Variants in RNF220 observed in about 807,000 individuals in gnomAD.
The protein encoded by RNF220 is ring finger protein 220, also known as E3 ubiquitin-protein ligase RNF220.
In RNF220, 7 loss-of-function variants were observed where a neutral mutation model predicts 67.1. The ratio of observed to expected loss-of-function variants is 0.10; its 90% CI spans 0.06 to 0.20. The LOEUF (loss-of-function observed/expected upper bound fraction) is 0.20, where lower values mean the gene tolerates loss of function less well. Among genes scored for constraint, RNF220 ranks in the 10% least tolerant of loss-of-function variants. The probability of loss-of-function intolerance (pLI) is 1.00; values close to 1 mark genes in which losing one functional copy is unlikely to be tolerated. For synonymous variants in RNF220, 270 were observed against 283.2 expected, an observed-to-expected ratio of 0.95 and a Z score of 0.47; for missense variants, 565 against 740.3, an observed-to-expected ratio of 0.76 and a Z score of 2.75.
chr1:44,650,664 C>T lies in RNF220; in HGVS notation c.1630-40C>T, dbSNP rs889275665. ...CAGGTGCTCACATGCGCACACATGG[C>T]TCATTGTGTAGACCAGAGCCCTCCC... On this transcript the variant is annotated intron_variant, in intron 14 of 14. Transcript: ENST00000361799. This position sits in a 1 kb window ranked among gnomAD's most constrained non-coding sequence, Gnocchi z 4.3. The T allele has an allele frequency of 1.3e-6, 2 of 1,592,782 alleles. No homozygotes were observed. The highest frequency in any genetic ancestry group is 1.7e-5 in the Admixed American group (1 of 59,972).
At chr1:44,608,420 G>C (rs1036503122) in intron 2 of RNF220, among the ~76,000 whole-genome samples, 2 of 152,142 alleles carry the variant, frequency 1.3e-5, no homozygotes, top group African/African-American at 4.8e-5. Flanking sequence ...AGGTGAGTGG[G>C]TAGGTAGGTA....
chr1:44,555,647 T>C (rs1485692980), intron 2 of RNF220, among the ~76,000 whole-genome samples: 1 of 150,022 alleles, frequency 6.7e-6, no homozygotes, highest in African/African-American at 2.5e-5. Flanking sequence ...GCTAATTTTT[T>C]CTATTTTTTA....
intron 2 of RNF220, among the ~76,000 whole-genome samples, chr1:44,469,978 A>T (rs971037201): frequency 1.3e-5 from 2 of 151,906 alleles, no homozygotes; most frequent in African/African-American, 4.8e-5. Flanking sequence ...TTTGAATGGG[A>T]TGAAGGCGTA....
chr1:44,647,633 C>G (rs907036785), intron 12 of RNF220, among the ~76,000 whole-genome samples: 2 of 152,156 alleles, frequency 1.3e-5, no homozygotes, highest in Non-Finnish European at 2.9e-5. Context: ...GAGTCACGCT[C>G]TGTGTTGCTG....
Position 44,539,764 on chromosome 1 carries a change from C to G in RNF220, c.626-74401C>G, listed in dbSNP as rs149131884. Among the ~76,000 whole-genome samples, 292 of 152,340 alleles carry G rather than the reference C, an allele frequency of 1.9e-3. 2 individuals carry two copies. Among genetic ancestry groups the G allele is most frequent in the African/African-American group, 6.7e-3 (279 of 41,574 alleles). On this transcript the variant is annotated intron_variant, in intron 2 of 14. Transcript: ENST00000361799. ...TCATCTGTATTAATCCAACACTGTT[C>G]CAGAATTTTCTGATTCCCATCCTAC...
chr1:44,548,737 C>T (rs188652835), intron 2 of RNF220, among the ~76,000 whole-genome samples: 4 of 152,274 alleles, frequency 2.6e-5, no homozygotes, highest in Admixed American at 2.0e-4. Flanking sequence ...GGCAATCCTC[C>T]TACTTCAGCC....
intron 2 of RNF220, among the ~76,000 whole-genome samples, chr1:44,458,887 A>G (rs1191863221): frequency 6.6e-6 from 1 of 152,224 alleles, no homozygotes; most frequent in African/African-American, 2.4e-5. Context: ...AACATATTAC[A>G]GCTGGAATGG....
intron 2 of RNF220, among the ~76,000 whole-genome samples, chr1:44,542,139 A>G (rs1661720634): frequency 6.6e-6 from 1 of 152,210 alleles, no homozygotes; most frequent in Non-Finnish European, 1.5e-5. Context: ...TGGGCCAAGA[A>G]CAGAGGGGGT....
intron 2 of RNF220, among the ~76,000 whole-genome samples, chr1:44,541,309 T>C (rs12121828): frequency 2.0e-5 from 3 of 152,068 alleles, no homozygotes; most frequent in African/African-American, 7.3e-5. Flanking sequence ...ACACCTGTAG[T>C]CCCAGCTACT....
At chr1:44,609,848 C>T (rs1195738993) in intron 2 of RNF220, among the ~76,000 whole-genome samples, 2 of 152,240 alleles carry the variant, frequency 1.3e-5, no homozygotes, top group Non-Finnish European at 2.9e-5. Context: ...AGCAGCTCAG[C>T]AAGGAAAAGG....
intron 2 of RNF220, among the ~76,000 whole-genome samples, chr1:44,471,349 C>A (rs1355382817): frequency 6.6e-6 from 1 of 152,144 alleles, no homozygotes; most frequent in East Asian, 1.9e-4. Context: ...TCGCTTGAAC[C>A]TGGGAGGCAG....
At chr1:44,514,049 G>A (rs904925453) in intron 2 of RNF220, among the ~76,000 whole-genome samples, 6 of 152,218 alleles carry the variant, frequency 3.9e-5, no homozygotes, top group Non-Finnish European at 8.8e-5. Flanking sequence ...ATATATAGTC[G>A]TGTAGCATCT....
At chr1:44,636,522 G>A in intron 8 of RNF220, 1 of 701,194 alleles carries the variant, frequency 1.4e-6, no homozygotes. Flanking sequence ...GCTGATAAAT[G>A]AGAATCCAGC....
intron 2 of RNF220, among the ~76,000 whole-genome samples, chr1:44,561,518 G>T (rs1172548931): frequency 4.6e-5 from 7 of 152,094 alleles, no homozygotes; most frequent in Non-Finnish European, 1.0e-4. Context: ...ACATATGTTT[G>T]CTAAGCATTC....
chr1:44,617,520 C>A lies in RNF220; in HGVS notation c.758+3223C>A, dbSNP rs371088353. On this transcript the variant is annotated intron_variant, in intron 3 of 14. Coordinates refer to ENST00000361799, the MANE Select transcript of RNF220 (RefSeq NM_018150.4). The stretch of plus-strand genomic sequence containing the variant: ...GGGTGCGTGATAAATTCCCAAGGAG[C>A]GTGTCAGCTCCCTCCGGGCTGACGG... Among the ~76,000 whole-genome samples the A allele has an allele frequency of 2.6e-5, 4 of 152,374 alleles. No individual in the cohort carries two copies. The East Asian group carries it at 5.8e-4, about 22-fold the overall frequency.
intron 2 of RNF220, among the ~76,000 whole-genome samples, chr1:44,440,029 G>C (rs1651390968): frequency 6.6e-6 from 1 of 152,222 alleles, no homozygotes; most frequent in South Asian, 2.1e-4. Flanking sequence ...GTAGAAGTTA[G>C]CTAGGTGAAG....
Position 44,600,323 on chromosome 1 carries a change from A to G in RNF220, c.626-13842A>G, listed in dbSNP as rs1666835862. Among the ~76,000 whole-genome samples, 1 of 152,206 alleles carries G rather than the reference A, an allele frequency of 6.6e-6. No individual in the cohort carries two copies. Among genetic ancestry groups the G allele is most frequent in the Admixed American group, 6.5e-5 (1 of 15,282 alleles). On this transcript the variant is annotated intron_variant, in intron 2 of 14. Coordinates refer to ENST00000361799, the MANE Select transcript of RNF220 (RefSeq NM_018150.4). The surrounding 1 kb of genome is among the most constrained non-coding windows in gnomAD (Gnocchi z 4.0). Reference sequence around the variant, plus strand: ...AGGGAATGAAACCAGAGTTTCAGAGATCACACATAGAGTGTGGAGAGAGGG... The same window carrying G: ...AGGGAATGAAACCAGAGTTTCAGAGGTCACACATAGAGTGTGGAGAGAGGG...
intron 2 of RNF220, among the ~76,000 whole-genome samples, chr1:44,492,608 T>C (rs1291515270): frequency 6.6e-6 from 1 of 152,246 alleles, no homozygotes; most frequent in Non-Finnish European, 1.5e-5. Context: ...TACTGTTACA[T>C]GCTATAACAT....
chr1:44,599,410 C>T (rs1372832707), intron 2 of RNF220, among the ~76,000 whole-genome samples: 1 of 152,176 alleles, frequency 6.6e-6, no homozygotes, highest in Admixed American at 6.5e-5. Context: ...CGGTGGCTCA[C>T]ATCTGTAATC....
Sources: allele counts gnomAD v4.1 joint callset (sites outside exome capture counted in the v4.1 genomes callset), GRCh38; gene constraint gnomAD v4.1.1; non-coding constraint Gnocchi (gnomAD v3.1); transcripts MANE v1.5; gene names NCBI Gene and HGNC (gene_info 2026-07-23, HGNC 2026-07-21).